The following ADAM22 variants were observed in gnomAD, a reference collection of about 807,000 sequenced individuals.
ADAM22 encodes disintegrin and metalloproteinase domain-containing protein 22.
ADAM22 carries 65 observed loss-of-function variants against 144.6 expected under a neutral mutation model. The ratio of observed to expected loss-of-function variants is 0.45; its 90% CI spans 0.37 to 0.55. The LOEUF is 0.55. Among genes scored for constraint, ADAM22 ranks in the 20% least tolerant of loss-of-function variants. ADAM22 has a pLI of 0.00. For missense variants in ADAM22, 974 were observed against 1,184.9 expected, an observed-to-expected ratio of 0.82 and a Z score of 2.61; for synonymous variants, 391 against 412.6, an observed-to-expected ratio of 0.95 and a Z score of 0.63.
chr7:88,197,070 T>C lies in ADAM22; in HGVS notation c.*579T>C, dbSNP rs986372131. The C allele has an allele frequency of 6.6e-6, 1 of 152,480 alleles. No individual in the cohort carries two copies. The highest frequency in any genetic ancestry group is 1.5e-5 in the Non-Finnish European group (1 of 68,212). 9.4% of individuals were successfully genotyped at this position (152,480 alleles called of 1,614,324 possible). A position where few individuals can be genotyped will look rare whatever the true frequency, so the allele number is the denominator to read the frequency against. On this transcript the variant is annotated 3_prime_UTR_variant, in exon 32 of 32. Transcript: ENST00000413139. ...GTATTTTTATTTTTGTTTTGTTTTT[T>C]ACTTTTCATATTTATATTAGCATAC...
intron 23 of ADAM22, among the ~76,000 whole-genome samples, chr7:88,164,903 T>TG (rs2129530165): frequency 6.6e-6 from 1 of 152,018 alleles, no homozygotes; most frequent in South Asian, 2.1e-4. Context: ...AAGACAGGAG[T>TG]GATATGGTGA....
intron 31 of ADAM22, 72 bp from the exon 32 acceptor site, chr7:88,196,399 T>C (rs1850676590): frequency 6.5e-7 from 1 of 1,548,900 alleles, no homozygotes; most frequent in African/African-American, 1.4e-5. Context: ...CTGAATCTTT[T>C]TCATCTCCTA....
At chr7:88,170,447 C>T (rs1844036593) in intron 25 of ADAM22, among the ~76,000 whole-genome samples, 1 of 150,678 alleles carries the variant, frequency 6.6e-6, no homozygotes, top group Non-Finnish European at 1.5e-5. Flanking sequence ...TGGAGAATAG[C>T]AGGAATTAAA....
chr7:88,070,826 T>C (rs1168547284), intron 3 of ADAM22, among the ~76,000 whole-genome samples: 1 of 152,120 alleles, frequency 6.6e-6, no homozygotes, highest in African/African-American at 2.4e-5. Flanking sequence ...AAAGATGAGG[T>C]AGTCTTGTTT....
At chr7:87,986,456 A>G (rs1788513033) in intron 3 of ADAM22, among the ~76,000 whole-genome samples, 1 of 152,132 alleles carries the variant, frequency 6.6e-6, no homozygotes, top group Non-Finnish European at 1.5e-5. Flanking sequence ...CAAGGAAGAG[A>G]CCAGTACTAA....
At chr7:87,968,832 GT>G (rs1462283978) in intron 2 of ADAM22, among the ~76,000 whole-genome samples, 1 of 152,194 alleles carries the variant, frequency 6.6e-6, no homozygotes, top group Non-Finnish European at 1.5e-5. Flanking sequence ...TTGGCTTATG[GT>G]TCTGCAGGCT....
At chr7:87,961,468 T>C (rs1254949610) in intron 2 of ADAM22, among the ~76,000 whole-genome samples, 1 of 152,228 alleles carries the variant, frequency 6.6e-6, no homozygotes, top group East Asian at 1.9e-4. Context: ...AAATGTAATC[T>C]CTTCCCCTCC....
rs1826853679 is a variant in ADAM22 at position 88,113,708 on chromosome 7, ATATATAT to A, written c.474-875_474-869del. Among the ~76,000 whole-genome samples the A allele has an allele frequency of 1.0e-3, 97 of 93,732 alleles. 7 individuals are homozygous for A. Among genetic ancestry groups the A allele is most frequent in the African/African-American group, 3.1e-3 (68 of 21,742 alleles). The allele number at this position is 93,732 out of a possible 152,430, so 61.5% of individuals were successfully genotyped here. A position where few individuals can be genotyped will look rare whatever the true frequency, so the allele number is the denominator to read the frequency against. ...ATATTATAAATAAATAAATAAATAT[ATATATAT>A]ATATATATATATATATATATATATA... is the stretch of plus-strand genomic sequence containing the variant. On this transcript the variant is annotated intron_variant, in intron 5 of 31. Transcript: ENST00000413139.
Position 88,179,011 on chromosome 7 carries a change from A to G in ADAM22, c.2377A>G (p.Ser793Gly), listed in dbSNP as rs778131450. The G allele has an allele frequency of 6.2e-7, 1 of 1,613,488 alleles. No individual in the cohort carries two copies. Residue 793 changes from serine (S) to glycine (G), a missense_variant, in exon 27 of 32, where the codon AGC becomes GGC. Ser to Gly is a moderately conservative substitution (Grantham distance 56, BLOSUM62 0). This residue lies in a region of ADAM22 where 734 missense variants were observed against 950.6 expected (regional missense o/e 0.77). Coordinates refer to ENST00000413139, the MANE Select transcript of ADAM22 (RefSeq NM_001324418.2). ...TTATAGCGACATTCCTCCCGGAGTC[A>G]GCACAAACTCAGCATCTAGTTCTAA... ...SFYSDIPPGV[S>G]TNSASSSKKR...
At chr7:88,049,751 G>C (rs1411619699) in intron 3 of ADAM22, among the ~76,000 whole-genome samples, 1 of 152,100 alleles carries the variant, frequency 6.6e-6, no homozygotes, top group East Asian at 1.9e-4. Context: ...GGGGTGAAAG[G>C]GATGATTTTT....
At chr7:88,037,393 T>G (rs1189160935) in intron 3 of ADAM22, among the ~76,000 whole-genome samples, 2 of 152,120 alleles carry the variant, frequency 1.3e-5, no homozygotes, top group Non-Finnish European at 2.9e-5. Context: ...ATCTCCATTT[T>G]TTCTGTTTCA....
chr7:88,156,027 T>G, intron 22 of ADAM22, 21 bp downstream of exon 22: 1 of 1,610,886 alleles, frequency 6.2e-7, no homozygotes, highest in Non-Finnish European at 8.5e-7. Context: ...AACCATTCTG[T>G]AAGAATCTGA....
intron 4 of ADAM22, among the ~76,000 whole-genome samples, chr7:88,077,208 A>T (rs1398834725): frequency 1.3e-5 from 2 of 152,212 alleles, no homozygotes; most frequent in Admixed American, 1.3e-4. Flanking sequence ...TTAAACTGTT[A>T]TCAGTAACCA....
intron 3 of ADAM22, among the ~76,000 whole-genome samples, chr7:88,074,425 C>G (rs1431248764): frequency 6.6e-6 from 1 of 151,984 alleles, no homozygotes; most frequent in Non-Finnish European, 1.5e-5. Context: ...AAAGGGTTTG[C>G]CTATATTTTA....
chr7:87,977,367 T>C (rs1211233247), intron 2 of ADAM22, among the ~76,000 whole-genome samples: 2 of 152,230 alleles, frequency 1.3e-5, no homozygotes, highest in African/African-American at 4.8e-5. Context: ...GTGCTGGTTC[T>C]CAGGGAGCAG....
chr7:88,076,937 A>G (rs549051915), intron 4 of ADAM22, among the ~76,000 whole-genome samples: 6 of 152,242 alleles, frequency 3.9e-5, no homozygotes, highest in Non-Finnish European at 8.8e-5. Flanking sequence ...ACTTGTAAAC[A>G]GAGAAAAGTT....
chr7:87,966,962 T>C (rs1032189854), intron 2 of ADAM22, among the ~76,000 whole-genome samples: 14 of 152,032 alleles, frequency 9.2e-5, no homozygotes, highest in African/African-American at 3.4e-4. Context: ...TGGGAGGTAA[T>C]TGAATGATGG....
At chr7:88,127,929 G>A (rs1235198418) in intron 8 of ADAM22, among the ~76,000 whole-genome samples, 2 of 151,920 alleles carry the variant, frequency 1.3e-5, no homozygotes, top group African/African-American at 2.4e-5. Context: ...TCATTATTTC[G>A]AAAGAGAAGA....
intron 3 of ADAM22, among the ~76,000 whole-genome samples, chr7:88,047,451 T>G: frequency 6.6e-6 from 1 of 152,228 alleles, no homozygotes; most frequent in Non-Finnish European, 1.5e-5. Flanking sequence ...CTGTCAGTTC[T>G]GTTTATTGTG....
Sources: allele counts gnomAD v4.1 joint callset (sites outside exome capture counted in the v4.1 genomes callset), GRCh38; gene constraint gnomAD v4.1.1; regional missense constraint gnomAD v4.1.1; transcripts MANE v1.5; gene names NCBI Gene and HGNC (gene_info 2026-07-23, HGNC 2026-07-21).